Variants in SEMA4B observed in about 807,000 individuals in gnomAD.
SEMA4B encodes semaphorin 4B.
A neutral mutation model predicts 88.1 loss-of-function variants in SEMA4B; 55 were observed. The ratio of observed to expected loss-of-function variants is 0.62; its 90% CI spans 0.50 to 0.78. The LOEUF (loss-of-function observed/expected upper bound fraction) is 0.78, where lower values mean the gene tolerates loss of function less well. SEMA4B is among the 30% of genes least tolerant of loss of function. SEMA4B has a pLI of 0.00. For missense variants in SEMA4B, 1,062 were observed against 1,111.9 expected (o/e 0.96, Z 0.64); for synonymous variants, 525 against 473.6 (o/e 1.11, Z -1.41).
chr15:90,201,026 G>C (rs1960685002), upstream of SEMA4B, among the ~76,000 whole-genome samples: 1 of 152,206 alleles, frequency 6.6e-6, no homozygotes, highest in Non-Finnish European at 1.5e-5. Context: ...TAGGCGCATA[G>C]CGGGGACGCA....
At chr15:90,227,735 C>T (rs1003485017) in intron 13 of SEMA4B, 93 bp downstream of exon 13, 3 of 1,473,798 alleles carry the variant, frequency 2.0e-6, no homozygotes, top group Non-Finnish European at 2.8e-6. Flanking sequence ...TGCCTTTCCT[C>T]ACTTCCTTGC....
intron 1 of SEMA4B, chr15:90,193,130 T>G (rs1443410059): frequency 2.0e-5 from 3 of 152,378 alleles, no homozygotes; most frequent in Non-Finnish European, 2.9e-5. Flanking sequence ...CTTTCCAAGC[T>G]GCCTCCTGAG....
chr15:90,225,231 G>A, intron 10 of SEMA4B, 51 bp from the exon 11 acceptor site: 1 of 1,554,954 alleles, frequency 6.4e-7, no homozygotes, highest in Non-Finnish European at 8.7e-7. Flanking sequence ...GTGGCTGGTG[G>A]GTCATGGGCA....
At chr15:90,189,793 C>G (rs982021277) in intron 1 of SEMA4B, among the ~76,000 whole-genome samples, 1 of 152,296 alleles carries the variant, frequency 6.6e-6, no homozygotes. Context: ...CTGATTCCCT[C>G]TCTCCTGAAA....
chr15:90,212,175 G>A lies in SEMA4B; in HGVS notation c.158-5264G>A, dbSNP rs1485315392. ...TCCTACTCAGAACCCCACTTCCTGG[G>A]GTGGGGAGTGGGGACCCTGCAGGTG... On this transcript the variant is annotated intron_variant, in intron 1 of 13. Coordinates refer to ENST00000411539, the MANE Select transcript of SEMA4B (RefSeq NM_198925.4). The surrounding 1 kb of genome is among the most constrained non-coding windows in gnomAD (Gnocchi z 4.0). Among the ~76,000 whole-genome samples the A allele has an allele frequency of 1.3e-5, 2 of 151,956 alleles. No homozygotes were observed. Among genetic ancestry groups the A allele is most frequent in the Non-Finnish European group, 2.9e-5 (2 of 67,952 alleles).
chr15:90,208,814 TC>T (rs1961118964), intron 1 of SEMA4B, among the ~76,000 whole-genome samples: 1 of 151,512 alleles, frequency 6.6e-6, no homozygotes, highest in South Asian at 2.1e-4. Flanking sequence ...AGATCTTGGC[TC>T]ACTGCAACCT....
At chr15:90,193,945 G>T (rs1323242017) in intron 1 of SEMA4B, among the ~76,000 whole-genome samples, 2 of 151,420 alleles carry the variant, frequency 1.3e-5, no homozygotes, top group African/African-American at 2.4e-5. Flanking sequence ...TCTGTCTCCC[G>T]GGTTCAAGCG....
At chr15:90,206,646 T>C in intron 1 of SEMA4B, 1 of 661,258 alleles carries the variant, frequency 1.5e-6, no homozygotes, top group Admixed American at 2.2e-5. Flanking sequence ...AAGACAGCCC[T>C]CATCCACGAT....
chr15:90,192,707 C>G (rs1960380486), intron 1 of SEMA4B, among the ~76,000 whole-genome samples: 1 of 150,410 alleles, frequency 6.6e-6, no homozygotes, highest in South Asian at 2.2e-4. Context: ...TCTCCTGCCT[C>G]AGCCTCCCGA....
chr15:90,219,898 G>C lies in SEMA4B; in HGVS notation c.483+7G>C, dbSNP rs756137282. The C allele has an allele frequency of 6.2e-7, 1 of 1,602,558 alleles. No individual in the cohort carries two copies. The highest frequency in any genetic ancestry group is 8.5e-7 in the Non-Finnish European group (1 of 1,171,708). On this transcript the variant is annotated splice_region_variant and intron_variant, in intron 4 of 13. Coordinates refer to ENST00000411539, the MANE Select transcript of SEMA4B (RefSeq NM_198925.4). ...CCCCATGTGTACCTACATCGTGAGT[G>C]ACCTGTCCTCAGCCCTGAGGCTGAC...
Position 90,201,668 on chromosome 15 carries a change from G to C in SEMA4B, c.90G>C (p.Leu30=). The C allele has an allele frequency of 6.6e-7, 1 of 1,516,484 alleles. No individual in the cohort carries two copies. The highest frequency in any genetic ancestry group is 8.8e-7 in the Non-Finnish European group (1 of 1,139,462). 93.9% of individuals were successfully genotyped at this position (1,516,484 alleles called of 1,614,324 possible). Reference sequence around the variant, plus strand: ...GGCCACCGCTGCTGCTGCTCCTGCTGCTGCTGCTCCTGCTGCAGCCGCCGC... The same window carrying C: ...GGCCACCGCTGCTGCTGCTCCTGCTCCTGCTGCTCCTGCTGCAGCCGCCGC... ...PPRPPLLLLL[L]LLLLLQPPPP... Residue 30 remains leucine, a synonymous_variant, in exon 1 of 14, where the codon CTG becomes CTC. Transcript: ENST00000411539.
intron 1 of SEMA4B, 134 bp from the exon 2 acceptor site, chr15:90,217,305 C>T: frequency 3.8e-6 from 3 of 780,492 alleles, no homozygotes; most frequent in Non-Finnish European, 6.1e-6. Flanking sequence ...GATCCCCCTG[C>T]CCCCAGCCCC....
chr15:90,228,428 CCT>C lies in SEMA4B; in HGVS notation c.2300_2301del (p.Pro767ArgfsTer12), dbSNP rs750372746. ...CAAGACCTGCCCTGTGGTGCTGCCC[CCT>C]GAGACCCGCCCACTCAACGGCCTAG... ...HPKTCPVVLPPETRPLNGLGP... is the reference protein window; with the variant it reads ...HPKTCPVVLPXETRPLNGLGP... On this transcript the variant is annotated frameshift_variant, in exon 14 of 14. Transcript: ENST00000411539. LOFTEE classifies it high-confidence loss of function. 39 of 1,608,030 alleles carry C rather than the reference CCT, an allele frequency of 2.4e-5. No individual in the cohort carries two copies. Among genetic ancestry groups the C allele is most frequent in the African/African-American group, 8.0e-5 (6 of 74,972 alleles).
At chr15:90,200,204 C>T (rs1322346405), upstream of SEMA4B, among the ~76,000 whole-genome samples, 1 of 152,120 alleles carries the variant, frequency 6.6e-6, no homozygotes, top group Non-Finnish European at 1.5e-5. Context: ...CCCTGAAAGT[C>T]GGGAGGAGAG....
chr15:90,209,454 A>C (rs918783854), intron 1 of SEMA4B, among the ~76,000 whole-genome samples: 15 of 152,020 alleles, frequency 9.9e-5, no homozygotes, highest in Admixed American at 7.9e-4. Context: ...AATTCCGGCT[A>C]CTCAGGAGGC....
chr15:90,188,577 G>A (rs886852595), intron 1 of SEMA4B, among the ~76,000 whole-genome samples: 8 of 151,880 alleles, frequency 5.3e-5, no homozygotes, highest in South Asian at 2.1e-4. Context: ...GCAGTGAGCC[G>A]AGATCGCACC....
chr15:90,213,917 T>C (rs1961394771), intron 1 of SEMA4B, among the ~76,000 whole-genome samples: 1 of 152,258 alleles, frequency 6.6e-6, no homozygotes. Context: ...ATTGAGACGA[T>C]GTCTCTGCTG....
At chr15:90,198,208 C>T (rs940704649), upstream of SEMA4B, among the ~76,000 whole-genome samples, 9 of 152,022 alleles carry the variant, frequency 5.9e-5, no homozygotes, top group African/African-American at 1.2e-4. Context: ...TGAGCCACCG[C>T]GCCTGGCTGG....
chr15:90,228,592 C>T lies in SEMA4B; in HGVS notation c.2463C>T (p.Cys821=), dbSNP rs899180229. ...QDSFVEVSPV[C]PRPRVRLGSE... ...GCTTCGTGGAGGTATCCCCAGTGTG[C>T]CCCCGGCCCCGGGTCCGCCTTGGCT... is the stretch of plus-strand genomic sequence containing the variant. Residue 821 remains cysteine (C), a synonymous_variant, in exon 14 of 14, where the codon TGC becomes TGT. Transcript: ENST00000411539. 3.1e-6 allele frequency: 5 copies of T among 1,613,406 alleles called. No individual in the cohort carries two copies. Among genetic ancestry groups the T allele is most frequent in the African/African-American group, 1.3e-5 (1 of 75,052 alleles).
Sources: gnomAD v4.1 joint callset for allele counts (sites outside exome capture counted in the v4.1 genomes callset) on GRCh38, gnomAD v4.1.1 for gene constraint, Gnocchi (gnomAD v3.1) non-coding constraint, MANE v1.5 for transcripts, NCBI Gene and HGNC (gene_info 2026-07-23, HGNC 2026-07-21) for gene names.